CSDE1: variants seen among roughly 807,000 people sequenced by gnomAD.
The protein encoded by CSDE1 is cold shock domain-containing protein E1.
A neutral mutation model predicts 89.3 loss-of-function variants in CSDE1; 17 were observed. That is an observed-to-expected ratio of 0.19 (90% CI 0.13 to 0.29). The LOEUF (loss-of-function observed/expected upper bound fraction) is 0.29, where lower values mean the gene tolerates loss of function less well. Ranked by LOEUF, CSDE1 falls within the 10% of genes least tolerant of loss-of-function variation. The pLI is 1.00. For missense variants in CSDE1, 672 were observed against 984.2 expected (o/e 0.68, Z 4.24); for synonymous variants, 322 against 332.8 (o/e 0.97, Z 0.35).
chr1:114,723,099 C>T (rs1044083286), intron 16 of CSDE1, among the ~76,000 whole-genome samples: 5 of 152,002 alleles, frequency 3.3e-5, no homozygotes, highest in Admixed American at 6.5e-5. Context: ...CCTCGTGATC[C>T]GCCCGCCTCA....
chr1:114,757,344 A>C (rs544703226), intron 1 of CSDE1, among the ~76,000 whole-genome samples: 1 of 152,138 alleles, frequency 6.6e-6, no homozygotes, highest in Non-Finnish European at 1.5e-5. Flanking sequence ...CTATACACAA[A>C]GAAGGCGCCA....
intron 1 of CSDE1, among the ~76,000 whole-genome samples, chr1:114,751,691 T>G (rs1422041645): frequency 6.7e-6 from 1 of 149,200 alleles, no homozygotes; most frequent in Non-Finnish European, 1.5e-5. Context: ...CTTGGGAAGC[T>G]TTAAAAAAAA....
chr1:114,753,902 T>C (rs1570964011), intron 1 of CSDE1, among the ~76,000 whole-genome samples: 1 of 151,894 alleles, frequency 6.6e-6, no homozygotes, highest in Non-Finnish European at 1.5e-5. Flanking sequence ...GGCGACAGAG[T>C]AAGACGCTGA....
intron 1 of CSDE1, among the ~76,000 whole-genome samples, chr1:114,754,638 T>G (rs1434941680): frequency 6.6e-6 from 1 of 152,238 alleles, no homozygotes; most frequent in Non-Finnish European, 1.5e-5. Flanking sequence ...CACCACATTT[T>G]ATAACTGAAG....
intron 14 of CSDE1, 83 bp from the exon 15 acceptor site, chr1:114,725,416 T>A: frequency 1.9e-6 from 2 of 1,037,470 alleles, no homozygotes; most frequent in Non-Finnish European, 3.0e-6. Flanking sequence ...ACAGTAACAG[T>A]CATGGCATGG....
At chr1:114,731,880 T>C (rs984907991) in intron 10 of CSDE1, among the ~76,000 whole-genome samples, 1 of 152,208 alleles carries the variant, frequency 6.6e-6, no homozygotes, top group Admixed American at 6.5e-5. Context: ...AACGGCATGG[T>C]ATTGGCTTAC....
At chr1:114,718,249 TAA>T in intron 19 of CSDE1, 33 bp from the exon 20 acceptor site, 1 of 1,601,730 alleles carries the variant, frequency 6.2e-7, no homozygotes, top group Non-Finnish European at 8.5e-7. Flanking sequence ...ACCCTGCAGT[TAA>T]TGATTTGAGC....
intron 12 of CSDE1, among the ~76,000 whole-genome samples, chr1:114,729,545 CTAGT>C (rs1238599501): frequency 6.7e-6 from 1 of 149,408 alleles, no homozygotes; most frequent in African/African-American, 2.5e-5. Context: ...TCCTGTCGGA[CTAGT>C]TACTCATTGC....
intron 5 of CSDE1, among the ~76,000 whole-genome samples, 194 bp downstream of exon 5, chr1:114,737,277 C>T (rs1286629775): frequency 6.6e-6 from 1 of 152,064 alleles, no homozygotes; most frequent in African/African-American, 2.4e-5. Flanking sequence ...CTTGGGCAAA[C>T]TAAGACACTT....
At chr1:114,757,426 G>A (rs1661669737) in intron 1 of CSDE1, among the ~76,000 whole-genome samples, 1 of 152,108 alleles carries the variant, frequency 6.6e-6, no homozygotes, top group Admixed American at 6.5e-5. Flanking sequence ...ACAGGGTCCA[G>A]AGTCAAAGTA....
At chr1:114,744,559 C>A (rs768872804) in intron 2 of CSDE1, among the ~76,000 whole-genome samples, 1 of 151,978 alleles carries the variant, frequency 6.6e-6, no homozygotes, top group Non-Finnish European at 1.5e-5. Context: ...CAGAGTGAGA[C>A]CCTGTCTCAA....
At chr1:114,751,559 A>G (rs1285075023) in intron 1 of CSDE1, among the ~76,000 whole-genome samples, 1 of 152,180 alleles carries the variant, frequency 6.6e-6, no homozygotes, top group African/African-American at 2.4e-5. Context: ...TCTATTCTCT[A>G]ACATCCCATG....
At chr1:114,737,742 T>G (rs1001868883) in intron 4 of CSDE1, among the ~76,000 whole-genome samples, 179 bp from the exon 5 acceptor site, 2 of 152,214 alleles carry the variant, frequency 1.3e-5, no homozygotes, top group African/African-American at 4.8e-5. Flanking sequence ...ACTGTAAGCA[T>G]TGACTCAGGG....
At chr1:114,738,909 C>T (rs1035710965) in intron 3 of CSDE1, among the ~76,000 whole-genome samples, 3 of 152,030 alleles carry the variant, frequency 2.0e-5, no homozygotes, top group African/African-American at 7.2e-5. Context: ...AATTCCTGAG[C>T]TCAAGCAATC....
chr1:114,741,759 G>A (rs1322448338), intron 2 of CSDE1: 2 of 1,007,888 alleles, frequency 2.0e-6, no homozygotes, highest in Non-Finnish European at 2.7e-6. Flanking sequence ...TTTAGCTTGG[G>A]TTTAGCGAAA....
At position 114,719,726 on chromosome 1, in the gene CSDE1, T is replaced by A; in HGVS notation, c.2069A>T (p.Tyr690Phe). ...CVKDQFGFIN[Y>F]EVGDSKKLFF... ...GAGCTTCTTGCTATCTCCTACTTCA[T>A]AGTTAATGAAGCCAAACTGAAAAAA... Residue 690 changes from tyrosine (Y) to phenylalanine (F), a missense_variant, in exon 18 of 20, where the codon TAT (tyrosine) becomes TTT (phenylalanine). Physicochemically the swap from Tyr to Phe is conservative, Grantham distance 22. This residue lies in a region of CSDE1 where 206 missense variants were observed against 332.4 expected (regional missense o/e 0.62). Coordinates refer to ENST00000358528, the MANE Select transcript of CSDE1 (RefSeq NM_001007553.3). The A allele has an allele frequency of 6.2e-7, 1 of 1,610,744 alleles. No individual in the cohort carries two copies.
At chr1:114,751,335 G>C (rs924096313) in intron 1 of CSDE1, among the ~76,000 whole-genome samples, 10 of 152,126 alleles carry the variant, frequency 6.6e-5, no homozygotes, top group African/African-American at 1.7e-4. Flanking sequence ...ACAGAGATAA[G>C]AAAAAGGTGT....
chr1:114,736,691 A>G lies in CSDE1; in HGVS notation c.500+67T>C, dbSNP rs950716207. ...ACAAGTTAGGTTTTTAACTCTATTC[A>G]AATTTCTTAATGGAGGGGGGAAAAA... On this transcript the variant is annotated intron_variant, in intron 6 of 19. Transcript: ENST00000358528. 1.9e-3 allele frequency: 1,870 copies of G among 977,964 alleles called. 15 individuals carry two copies. The highest frequency in any genetic ancestry group is 1.6e-3 in the Non-Finnish European group (995 of 641,624). The allele number at this position is 977,964 out of a possible 1,614,324, so 60.6% of individuals were successfully genotyped here.
At chr1:114,741,793 G>T in intron 2 of CSDE1, 1 of 692,574 alleles carries the variant, frequency 1.4e-6, no homozygotes. Flanking sequence ...TCTATTGACA[G>T]GAAATACATA....
Sources: gnomAD v4.1 joint callset for allele counts (sites outside exome capture counted in the v4.1 genomes callset) on GRCh38, gnomAD v4.1.1 for gene constraint, gnomAD v4.1.1 regional missense constraint, MANE v1.5 for transcripts, NCBI Gene and HGNC (gene_info 2026-07-23, HGNC 2026-07-21) for gene names.